Variants in INTS3 observed in about 807,000 individuals in gnomAD.
The protein encoded by INTS3 is SOSS complex subunit A.
Under a neutral mutation model 146.3 loss-of-function variants are expected in INTS3, and 34 were observed. That is an observed-to-expected ratio of 0.23 (90% CI 0.18 to 0.31). The LOEUF (loss-of-function observed/expected upper bound fraction) is 0.31, where lower values mean the gene tolerates loss of function less well. INTS3 is among the 10% of genes least tolerant of loss of function. The pLI, the probability that INTS3 is intolerant of heterozygous loss-of-function variation, is 1.00. For synonymous variants in INTS3, 475 were observed against 494.9 expected (o/e 0.96, Z 0.53); for missense variants, 757 against 1,304.2 (o/e 0.58, Z 6.46).
At position 153,772,079 on chromosome 1, in the gene INTS3, T is replaced by A. The variant is rs961013722; in HGVS notation, c.2720+116T>A. 4 of 1,183,828 alleles carry A rather than the reference T, an allele frequency of 3.4e-6. No individual in the cohort carries two copies. Among genetic ancestry groups the A allele is most frequent in the Non-Finnish European group, 4.7e-6 (4 of 852,238 alleles). 73.3% of individuals were successfully genotyped at this position (1,183,828 alleles called of 1,614,324 possible). The stretch of plus-strand genomic sequence containing the variant: ...GGGGGTCAGTGCTGTCCCAGCCTGG[T>A]TTGTGGGCGACATCTAGTGGTCCGA... On this transcript the variant is annotated intron_variant, in intron 26 of 29. Coordinates refer to ENST00000318967, the MANE Select transcript of INTS3 (RefSeq NM_023015.5). The surrounding 1 kb of genome is among the most constrained non-coding windows in gnomAD (Gnocchi z 4.6).
chr1:153,757,492 G>T lies in INTS3; in HGVS notation c.958-80G>T. 2 of 1,262,598 alleles carry T rather than the reference G, an allele frequency of 1.6e-6. No individual in the cohort carries two copies. Among genetic ancestry groups the T allele is most frequent in the South Asian group, 2.6e-5 (2 of 76,242 alleles). The allele number at this position is 1,262,598 out of a possible 1,614,324, so 78.2% of individuals were successfully genotyped here. On this transcript the variant is annotated intron_variant, in intron 9 of 29. Coordinates refer to ENST00000318967, the MANE Select transcript of INTS3 (RefSeq NM_023015.5). The surrounding 1 kb of genome is among the most constrained non-coding windows in gnomAD (Gnocchi z 4.0). ...AATAGAGGTCTAGGGCAAACCTAGAGTTAAGTGGTGCTCGTTTTCCTCTGG... is the reference window on the plus strand; with the variant it reads ...AATAGAGGTCTAGGGCAAACCTAGATTTAAGTGGTGCTCGTTTTCCTCTGG...
rs780413082 is a variant in INTS3 at position 153,773,707 on chromosome 1, C to T, written c.*437C>T. 8 of 212,454 alleles carry T rather than the reference C, an allele frequency of 3.8e-5. No individual in the cohort carries two copies. The highest frequency in any genetic ancestry group is 8.5e-5 in the Non-Finnish European group (8 of 94,540). The allele number at this position is 212,454 out of a possible 1,614,324, so 13.2% of individuals were successfully genotyped here. A position where few individuals can be genotyped will look rare whatever the true frequency, so the allele number is the denominator to read the frequency against. On this transcript the variant is annotated 3_prime_UTR_variant, in exon 30 of 30. Coordinates refer to ENST00000318967, the MANE Select transcript of INTS3 (RefSeq NM_023015.5). ...GTGTGGGTGTCCCTTCCTGCTTCCCCTTCAGGTCTTGGTTTGTTCTGAAGG... is the reference window on the plus strand; with the variant it reads ...GTGTGGGTGTCCCTTCCTGCTTCCCTTTCAGGTCTTGGTTTGTTCTGAAGG...
chr1:153,761,125 C>T, intron 13 of INTS3: 6 of 1,365,386 alleles, frequency 4.4e-6, no homozygotes, highest in Non-Finnish European at 4.8e-6. Context: ...CAAATGCCTT[C>T]ATGTTCCCTG....
chr1:153,763,751 C>A, intron 16 of INTS3, 81 bp from the exon 17 acceptor site: 1 of 1,197,676 alleles, frequency 8.3e-7, no homozygotes, highest in Non-Finnish European at 1.2e-6. Flanking sequence ...TGTGAGTGTG[C>A]TTGTGCACTG....
rs111556568 is a variant in INTS3 at position 153,745,110 on chromosome 1, C to T, written c.319-1847C>T. On this transcript the variant is annotated intron_variant, in intron 3 of 29. Transcript: ENST00000318967. ...TATATATATATTATTGTTGTTGATG[C>T]CATCCTTGCTGTATTATTGCTTGCT... Among the ~76,000 whole-genome samples the T allele has an allele frequency of 1.3e-3, 196 of 151,170 alleles. 3 individuals are homozygous for T. The highest frequency in any genetic ancestry group is 4.6e-3 in the African/African-American group (188 of 41,120).
rs1010954310 is a variant in INTS3 at position 153,757,228 on chromosome 1, G to A, written c.958-344G>A. On this transcript the variant is annotated intron_variant, in intron 9 of 29. Coordinates refer to ENST00000318967, the MANE Select transcript of INTS3 (RefSeq NM_023015.5). This position sits in a 1 kb window ranked among gnomAD's most constrained non-coding sequence, Gnocchi z 4.0. ...CTGTTCACCAGTGGCTCAAGAAAATGAGAAAAGGTTATACTTCTGACTGGA... is the reference window on the plus strand; with the variant it reads ...CTGTTCACCAGTGGCTCAAGAAAATAAGAAAAGGTTATACTTCTGACTGGA... Among the ~76,000 whole-genome samples the A allele has an allele frequency of 3.9e-5, 6 of 152,178 alleles. No individual in the cohort carries two copies. The highest frequency in any genetic ancestry group is 1.4e-4 in the African/African-American group (6 of 41,426).
At chr1:153,770,074 TG>T (rs1558010101) in intron 23 of INTS3, 123 bp from the exon 24 acceptor site, 2 of 425,118 alleles carry the variant, frequency 4.7e-6, no homozygotes, top group Non-Finnish European at 8.1e-6. Context: ...TGTGTGTGTG[TG>T]TGTGTGTGTG....
chr1:153,772,288 C>T lies in INTS3; in HGVS notation c.2721-52C>T. 2.5e-6 allele frequency: 4 copies of T among 1,585,010 alleles called. No individual in the cohort carries two copies. In the South Asian group the frequency reaches 3.4e-5, roughly 14 times the overall value. ...GCCCTGGCGGGTGGAGGGTGTCTCG[C>T]ACTCTGGAACCCTCCCACACTCAGA... On this transcript the variant is annotated intron_variant, in intron 26 of 29. Transcript: ENST00000318967. The surrounding 1 kb of genome is among the most constrained non-coding windows in gnomAD (Gnocchi z 4.6).
At position 153,728,781 on chromosome 1, in the gene INTS3, G is replaced by A; in HGVS notation, c.147G>A (p.Glu49=). ...GTTTGGATGCCAAGGATGAGTTAGA[G>A]GAGGTAGGTGTGGGGGGAGGGAAGG... The part of the protein sequence containing the change: ...STSLDAKDEL[E]ERLERCMSIV... The change falls in exon 1 of 30, where the codon GAG becomes GAA. Residue 49 remains glutamate (E), a synonymous_variant. Transcript: ENST00000318967. 1 of 1,601,656 alleles carries A rather than the reference G, an allele frequency of 6.2e-7. No individual in the cohort carries two copies. Among genetic ancestry groups the A allele is most frequent in the Non-Finnish European group, 8.5e-7 (1 of 1,174,030 alleles).
rs1558011750 is a variant in INTS3 at position 153,771,783 on chromosome 1, CT to C, written c.2553-11del. ...CTGTGCAAGCAGCACCCAGTGCCCCCTTCCTCCCCCAGGCCCAGCGAGGAGA... is the reference window on the plus strand; with the variant it reads ...CTGTGCAAGCAGCACCCAGTGCCCCCTCCTCCCCCAGGCCCAGCGAGGAGA... On this transcript the variant is annotated splice_polypyrimidine_tract_variant and intron_variant, in intron 25 of 29. Coordinates refer to ENST00000318967, the MANE Select transcript of INTS3 (RefSeq NM_023015.5). 1 of 1,606,338 alleles carries C rather than the reference CT, an allele frequency of 6.2e-7. No homozygotes were observed. Among genetic ancestry groups the C allele is most frequent in the South Asian group, 1.1e-5 (1 of 90,350 alleles).
intron 11 of INTS3, 75 bp downstream of exon 11, chr1:153,759,688 C>A: frequency 1.1e-6 from 1 of 942,340 alleles, no homozygotes; most frequent in South Asian, 1.3e-5. Flanking sequence ...TGATAGCAGT[C>A]ATAAATCTCA....
At chr1:153,739,747 G>A (rs1403879915) in intron 1 of INTS3, among the ~76,000 whole-genome samples, 1 of 152,154 alleles carries the variant, frequency 6.6e-6, no homozygotes, top group Admixed American at 6.5e-5. Flanking sequence ...GGGATTACAG[G>A]CGTGAGCCAC....
At chr1:153,743,931 A>G (rs990496348) in intron 3 of INTS3, among the ~76,000 whole-genome samples, 5 of 151,936 alleles carry the variant, frequency 3.3e-5, no homozygotes, top group Admixed American at 3.3e-4. Flanking sequence ...AGGCTGACAC[A>G]TCACTGCTCT....
In INTS3 at chr1:153,770,743, A is replaced by G. The variant is rs1459008550; in HGVS notation, c.2552+10A>G. The G allele has an allele frequency of 6.2e-7, 1 of 1,610,104 alleles. No individual in the cohort carries two copies. The highest frequency in any genetic ancestry group is 8.5e-7 in the Non-Finnish European group (1 of 1,176,512). On this transcript the variant is annotated intron_variant, in intron 25 of 29. Coordinates refer to ENST00000318967, the MANE Select transcript of INTS3 (RefSeq NM_023015.5). ...AACTCCGAAGAGAAAAGTGAGTTCC[A>G]CTTCTGGGGCTCTTTAGCCCTCAAT...
intron 1 of INTS3, among the ~76,000 whole-genome samples, chr1:153,735,832 C>T (rs1473590786): frequency 6.6e-6 from 1 of 152,160 alleles, no homozygotes; most frequent in Non-Finnish European, 1.5e-5. Flanking sequence ...AAGTGATCCT[C>T]CTGCCTCAGC....
intron 6 of INTS3, among the ~76,000 whole-genome samples, chr1:153,749,303 T>A (rs1033895759): frequency 1.3e-5 from 2 of 152,156 alleles, no homozygotes; most frequent in African/African-American, 4.8e-5. Context: ...CTTTCCCTTA[T>A]CCATCAAAAT....
chr1:153,752,030 T>G (rs759304543), intron 7 of INTS3: 41 of 488,546 alleles, frequency 8.4e-5, no homozygotes, highest in Non-Finnish European at 1.3e-4. Flanking sequence ...GGAGGTAGAT[T>G]AATGTGAAAG....
Position 153,773,539 on chromosome 1 carries a change from A to G in INTS3, c.*269A>G. 1 of 564,696 alleles carries G rather than the reference A, an allele frequency of 1.8e-6. No homozygotes were observed. Among genetic ancestry groups the G allele is most frequent in the South Asian group, 2.5e-5 (1 of 40,748 alleles). 35.0% of individuals were successfully genotyped at this position (564,696 alleles called of 1,614,324 possible). A position where few individuals can be genotyped will look rare whatever the true frequency, so the allele number is the denominator to read the frequency against. ...TGACTGAAGCCAGAGGCTCTGTAAAATCAGACCATAGTGGAAGTCCTCAGC... is the reference window on the plus strand; with the variant it reads ...TGACTGAAGCCAGAGGCTCTGTAAAGTCAGACCATAGTGGAAGTCCTCAGC... On this transcript the variant is annotated 3_prime_UTR_variant, in exon 30 of 30. Transcript: ENST00000318967.
chr1:153,760,247 A>C, intron 11 of INTS3, 64 bp from the exon 12 acceptor site: 2 of 981,692 alleles, frequency 2.0e-6, no homozygotes, highest in South Asian at 3.5e-5. Flanking sequence ...AAAAAAAAAA[A>C]AAAAAAAAAA....
Sources: gnomAD v4.1 joint callset for allele counts (sites outside exome capture counted in the v4.1 genomes callset) on GRCh38, gnomAD v4.1.1 for gene constraint, Gnocchi (gnomAD v3.1) non-coding constraint, MANE v1.5 for transcripts, NCBI Gene and HGNC (gene_info 2026-07-23, HGNC 2026-07-21) for gene names.